Variants in KIF7 observed in about 807,000 individuals in gnomAD.
The protein encoded by KIF7 is kinesin-like protein KIF7.
KIF7 carries 104 observed loss-of-function variants against 135.7 expected under a neutral mutation model. That is an observed-to-expected ratio of 0.77 (90% CI 0.65 to 0.90). The LOEUF is 0.90. Ranked by LOEUF, KIF7 falls within the 40% of genes least tolerant of loss-of-function variation. The pLI is 0.00. For synonymous variants in KIF7, 883 were observed against 809.4 expected (o/e 1.09, Z -1.54); for missense variants, 2,005 against 1,839.1 (o/e 1.09, Z -1.65).
chr15:89,632,784 CCTCACCTGGCAGGAT>C, intron 14 of KIF7, 21 bp downstream of exon 14: 1 of 1,589,698 alleles, frequency 6.3e-7, no homozygotes, highest in Non-Finnish European at 8.5e-7. Context: ...CTTCACTGGA[CCTCACCTGGCAGGAT>C]CTCTCCTGGC....
intron 13 of KIF7, 48 bp from the exon 14 acceptor site, chr15:89,633,044 G>T (rs768865885): frequency 6.8e-7 from 1 of 1,476,870 alleles, no homozygotes; most frequent in Non-Finnish European, 9.3e-7. Context: ...CCCACCTCTG[G>T]CTGTGTCAGC....
At chr15:89,625,863 T>G (rs768753656), downstream of KIF7, 13 of 1,544,530 alleles carry the variant, frequency 8.4e-6, no homozygotes, top group Non-Finnish European at 1.1e-5. Context: ...ACTTGGGAGT[T>G]GCTTCTTGGG....
At chr15:89,625,399 G>T, downstream of KIF7, 1 of 1,613,914 alleles carries the variant, frequency 6.2e-7, no homozygotes, top group East Asian at 2.2e-5. Context: ...CTGTGGCGCC[G>T]GCTCCTCTTC....
At position 89,650,311 on chromosome 15, in the gene KIF7, C is replaced by T. The variant is rs543552638; in HGVS notation, c.329-370G>A. Reference sequence around the variant, plus strand: ...CCCAAGGAAATAATCAGAGGAACTTCAGAGCAGCACTCTTCCTCATGACTT... The same window carrying T: ...CCCAAGGAAATAATCAGAGGAACTTTAGAGCAGCACTCTTCCTCATGACTT... On this transcript the variant is annotated intron_variant, in intron 2 of 18. Transcript: ENST00000394412. Among the ~76,000 whole-genome samples the T allele has an allele frequency of 1.4e-4, 21 of 152,354 alleles. No homozygotes were observed. The East Asian group carries it at 4.0e-3, about 29-fold the overall frequency.
intron 3 of KIF7, 133 bp downstream of exon 3, chr15:89,649,608 C>G: frequency 9.1e-7 from 1 of 1,102,994 alleles, no homozygotes; most frequent in Non-Finnish European, 1.3e-6. Flanking sequence ...AGGCAAGAAG[C>G]TAAAGCAAAA....
downstream of KIF7, chr15:89,627,214 A>G: frequency 1.7e-6 from 2 of 1,160,772 alleles, no homozygotes; most frequent in Non-Finnish European, 1.2e-6. Flanking sequence ...AGAATGCCTT[A>G]GGGTTTTCTA....
Position 89,652,700 on chromosome 15 carries a change from G to A in KIF7, c.231C>T (p.Pro77=), listed in dbSNP as rs200720042. The A allele has an allele frequency of 7.7e-6, 12 of 1,551,686 alleles. No individual in the cohort carries two copies. In the African/African-American group the frequency reaches 1.4e-4, roughly 18 times the overall value. Reference sequence around the variant, plus strand: ...AGCCCTCGAAGAAGGCCTCAAGGAGGGGCTGAACGCAGGCCTGGTACACGG... The same window carrying A: ...AGCCCTCGAAGAAGGCCTCAAGGAGAGGCTGAACGCAGGCCTGGTACACGG... ...QEAVYQACVQ[P]LLEAFFEGFN... The change falls in exon 2 of 19, where the codon CCC becomes CCT. Residue 77 remains proline (P), a synonymous_variant. Coordinates refer to ENST00000394412, the MANE Select transcript of KIF7 (RefSeq NM_198525.3).
intron 11 of KIF7, among the ~76,000 whole-genome samples, chr15:89,639,176 A>G (rs2142011817): frequency 6.6e-6 from 1 of 152,268 alleles, no homozygotes; most frequent in South Asian, 2.1e-4. Flanking sequence ...TAGACCTAAA[A>G]CCATAAAAAC....
intron 1 of KIF7, chr15:89,621,369 A>G (rs753660045): frequency 4.4e-6 from 7 of 1,586,822 alleles, no homozygotes; most frequent in African/African-American, 2.7e-5. Flanking sequence ...AGAATTAAAT[A>G]TTGTTGCTGT....
At chr15:89,641,016 T>C (rs1283385139) in intron 11 of KIF7, among the ~76,000 whole-genome samples, 2 of 151,662 alleles carry the variant, frequency 1.3e-5, no homozygotes, top group African/African-American at 4.8e-5. Flanking sequence ...AAATAAAAAA[T>C]GAAAACAACA....
At chr15:89,657,232 G>C (rs1268730501), upstream of KIF7, among the ~76,000 whole-genome samples, 12 of 150,984 alleles carry the variant, frequency 7.9e-5, no homozygotes, top group Admixed American at 8.0e-4. Context: ...ACTGGCTTGA[G>C]CCTGGGAGGT....
intron 10 of KIF7, among the ~76,000 whole-genome samples, chr15:89,644,480 G>T (rs559697929): frequency 1.9e-4 from 29 of 151,304 alleles, no homozygotes; most frequent in Non-Finnish European, 3.8e-4. Context: ...TTCAACACCA[G>T]CCTGGCCAAC....
chr15:89,629,332 A>T (rs1482089629), intron 17 of KIF7, 43 bp downstream of exon 17: 1 of 698,566 alleles, frequency 1.4e-6, no homozygotes, highest in Non-Finnish European at 1.8e-6. Context: ...GGTGGGGGGG[A>T]TGGAGGGGGC....
chr15:89,639,091 T>G (rs1269816035), intron 11 of KIF7, among the ~76,000 whole-genome samples: 5 of 152,078 alleles, frequency 3.3e-5, no homozygotes, highest in South Asian at 2.1e-4. Context: ...TAGCCATATG[T>G]AGAAAGCTGA....
chr15:89,643,732 A>G (rs931425759), intron 10 of KIF7, among the ~76,000 whole-genome samples: 1 of 152,170 alleles, frequency 6.6e-6, no homozygotes, highest in Non-Finnish European at 1.5e-5. Flanking sequence ...TAAAAATACA[A>G]AAATTAGCTG....
rs1171427588 is a variant in KIF7, at chr15:89,628,229, T to TATTA, written c.*186_*189dup. The TATTA allele has an allele frequency of 8.2e-6, 5 of 612,814 alleles. No individual in the cohort carries two copies. In the East Asian group the frequency reaches 8.2e-5, roughly 10 times the overall value. 38.0% of individuals were successfully genotyped at this position (612,814 alleles called of 1,614,324 possible). ...TGGAAGTAAGTGGTGGGAATTTGCA[T>TATTA]ATTATTTTGTTAAATGAGGGTCCAG... is the stretch of plus-strand genomic sequence containing the variant. On this transcript the variant is annotated 3_prime_UTR_variant, in exon 19 of 19. Transcript: ENST00000394412.
downstream of KIF7, chr15:89,625,245 G>C: frequency 6.2e-7 from 1 of 1,613,642 alleles, no homozygotes; most frequent in South Asian, 1.1e-5. Context: ...ACATCTGCCA[G>C]GCCTGTACCC....
Position 89,633,781 on chromosome 15 carries a change from G to GCCGCATGAGCTGCACGTT in KIF7, c.2479_2496dup (p.Asn827_Arg832dup). On this transcript the variant is annotated inframe_insertion, in exon 12 of 19. Transcript: ENST00000394412. ...CGCCTCTGCAGCTGTCCCTGCTGCT[G>GCCGCATGAGCTGCACGTT]CCGCATGAGCTGCACGTTCCGCTCG... 6.2e-7 allele frequency: 1 copy of GCCGCATGAGCTGCACGTT among 1,611,668 alleles called. No homozygotes were observed. Among genetic ancestry groups the GCCGCATGAGCTGCACGTT allele is most frequent in the Non-Finnish European group, 8.5e-7 (1 of 1,180,006 alleles).
At position 89,652,613 on chromosome 15, in the gene KIF7, C is replaced by T; in HGVS notation, c.318G>A (p.Glu106=). The stretch of plus-strand genomic sequence containing the variant: ...AACAGGGTCACTCACCCACACTGGC[C>T]TCCCCCATGGTGTATGTCTTCCCTG... ...TGSGKTYTMG[E]ASVASLLEDE... is the part of the protein sequence containing the mutation. Residue 106 remains glutamate, a synonymous_variant, in exon 2 of 19, where the codon GAG becomes GAA. Transcript: ENST00000394412. 6.6e-7 allele frequency: 1 copy of T among 1,525,792 alleles called. No individual in the cohort carries two copies. The allele number at this position is 1,525,792 out of a possible 1,614,324, so 94.5% of individuals were successfully genotyped here. A position where few individuals can be genotyped will look rare whatever the true frequency, so the allele number is the denominator to read the frequency against.
Sources: allele counts gnomAD v4.1 joint callset (sites outside exome capture counted in the v4.1 genomes callset), GRCh38; gene constraint gnomAD v4.1.1; transcripts MANE v1.5; gene names NCBI Gene and HGNC (gene_info 2026-07-23, HGNC 2026-07-21).